The following CPSF3 variants were observed in gnomAD, a reference collection of about 807,000 sequenced individuals.
The protein encoded by CPSF3 is cleavage and polyadenylation specific factor 3.
A neutral mutation model predicts 84.1 loss-of-function variants in CPSF3; 57 were observed. The ratio of observed to expected loss-of-function variants is 0.68; its 90% confidence interval spans 0.55 to 0.85. The LOEUF is 0.85. Ranked by LOEUF, CPSF3 falls within the 40% of genes least tolerant of loss-of-function variation. The probability of loss-of-function intolerance (pLI) is 0.00; values close to 1 mark genes in which losing one functional copy is unlikely to be tolerated. For synonymous variants in CPSF3, 275 were observed against 278.1 expected, an observed-to-expected ratio of 0.99 and a Z score of 0.11; for missense variants, 522 against 838.8, an observed-to-expected ratio of 0.62 and a Z score of 4.66.
intron 13 of CPSF3, among the ~76,000 whole-genome samples, chr2:9,456,211 G>A (rs914012896): frequency 6.6e-6 from 1 of 152,156 alleles, no homozygotes; most frequent in East Asian, 1.9e-4. Flanking sequence ...AAAGGCCAGT[G>A]AGAAAATAAA....
intron 7 of CPSF3, among the ~76,000 whole-genome samples, chr2:9,436,642 G>A (rs113201671): frequency 0.15 from 23,306 of 151,862 alleles, 2,060 homozygotes; most frequent in Middle Eastern, 0.28. Context: ...CACAGTGACA[G>A]ATGCCTGTAA....
chr2:9,450,965 T>G (rs1366535709), intron 11 of CPSF3, among the ~76,000 whole-genome samples: 1 of 151,704 alleles, frequency 6.6e-6, no homozygotes, highest in Non-Finnish European at 1.5e-5. Flanking sequence ...CACAAAACTT[T>G]TCAGGGGCCG....
chr2:9,435,491 G>T (rs139607736), intron 6 of CPSF3, among the ~76,000 whole-genome samples: 2 of 150,442 alleles, frequency 1.3e-5, no homozygotes, highest in Admixed American at 6.6e-5. Flanking sequence ...GCATGATCTC[G>T]GCTCACTGCA....
At chr2:9,429,857 C>A in intron 2 of CPSF3, 66 bp from the exon 3 acceptor site, 2 of 1,061,378 alleles carry the variant, frequency 1.9e-6, no homozygotes, top group African/African-American at 1.6e-5. Context: ...GAATTATTGC[C>A]TATTTGCCGA....
At chr2:9,428,868 T>C (rs1211961985) in intron 2 of CPSF3, 40 bp downstream of exon 2, 2 of 1,199,624 alleles carry the variant, frequency 1.7e-6, no homozygotes, top group Non-Finnish European at 2.5e-6. Flanking sequence ...AGTATGGCTC[T>C]GTCTGTATTG....
intron 6 of CPSF3, among the ~76,000 whole-genome samples, chr2:9,435,705 C>A (rs1199727139): frequency 1.3e-5 from 2 of 151,692 alleles, no homozygotes; most frequent in African/African-American, 4.8e-5. Flanking sequence ...GCATGAGCCA[C>A]CATGCCCGGC....
chr2:9,447,932 G>A (rs935579320), intron 10 of CPSF3, among the ~76,000 whole-genome samples: 5 of 152,304 alleles, frequency 3.3e-5, no homozygotes, highest in Middle Eastern at 3.4e-3. Context: ...TGGAAAAGGC[G>A]TGTATCTCAT....
chr2:9,448,288 G>T lies in CPSF3; in HGVS notation c.1333G>T (p.Val445Phe). The change falls in exon 11 of 18, where the codon GTT (valine) becomes TTT (phenylalanine). Residue 445 changes from valine to phenylalanine, a missense_variant. Transcript: ENST00000238112. ...AGATAACGATGAAGTTCACATAGAG[G>T]TTCATAATCCTCGGAATACAGAAGC... is the stretch of plus-strand genomic sequence containing the variant. ...YEDNDEVHIE[V>F]HNPRNTEAVT... 1.2e-6 allele frequency: 2 copies of T among 1,613,106 alleles called. No individual in the cohort carries two copies. The highest frequency in any genetic ancestry group is 1.7e-6 in the Non-Finnish European group (2 of 1,179,282).
At chr2:9,470,615 C>T (rs1303549331) in intron 16 of CPSF3, among the ~76,000 whole-genome samples, 2 of 152,178 alleles carry the variant, frequency 1.3e-5, no homozygotes, top group African/African-American at 4.8e-5. Context: ...CAATAAATAC[C>T]AAGTTTAATT....
At chr2:9,444,140 T>TTATATA (rs377440396) in intron 10 of CPSF3, among the ~76,000 whole-genome samples, 9,521 of 129,434 alleles carry the variant, frequency 0.074, 461 homozygotes, top group Middle Eastern at 0.15. Context: ...AATATATATA[T>TTATATA]TATATATATA....
intron 12 of CPSF3, among the ~76,000 whole-genome samples, chr2:9,453,922 G>A (rs772169809): frequency 3.3e-5 from 5 of 151,882 alleles, no homozygotes; most frequent in Non-Finnish European, 7.4e-5. Context: ...AAACTAATAA[G>A]ATTACATTTA....
intron 16 of CPSF3, among the ~76,000 whole-genome samples, chr2:9,469,095 C>T (rs1474672292): frequency 6.6e-6 from 1 of 152,160 alleles, no homozygotes; most frequent in Non-Finnish European, 1.5e-5. Flanking sequence ...ACAGTGATTA[C>T]CATGGCCGTT....
At chr2:9,442,173 C>A (rs1270007919) in intron 9 of CPSF3, among the ~76,000 whole-genome samples, 197 bp downstream of exon 9, 3 of 152,116 alleles carry the variant, frequency 2.0e-5, no homozygotes, top group Non-Finnish European at 2.9e-5. Context: ...AATGAGGTCC[C>A]AGGTGATTGA....
At chr2:9,457,325 T>A (rs1007113322) in intron 14 of CPSF3, among the ~76,000 whole-genome samples, 3 of 152,162 alleles carry the variant, frequency 2.0e-5, no homozygotes, top group Middle Eastern at 6.3e-3. Flanking sequence ...AAGTCTTACC[T>A]GATTTTGTGG....
At chr2:9,455,518 T>C in intron 12 of CPSF3, 141 bp from the exon 13 acceptor site, 2 of 608,974 alleles carry the variant, frequency 3.3e-6, no homozygotes, top group Non-Finnish European at 5.8e-6. Context: ...AAATGTAAGG[T>C]GGTACCAAAT....
chr2:9,468,460 A>C (rs1682047852), intron 16 of CPSF3, among the ~76,000 whole-genome samples: 1 of 151,926 alleles, frequency 6.6e-6, no homozygotes, highest in African/African-American at 2.4e-5. Context: ...CCTGGGCTCA[A>C]GGGATCCTCC....
rs754222084 is a variant in CPSF3 at position 9,443,525 on chromosome 2, C to G, written c.1106C>G (p.Ser369Cys). The change falls in exon 10 of 18, where the codon TCT (serine) becomes TGT (cysteine). Residue 369 changes from serine (S) to cysteine (C), a missense_variant. Transcript: ENST00000238112. ...CTTTATTTTCCACAGCACATCATGT[C>G]TGAACCTGAAGAAATCACTACTATG... Reference protein sequence around the residue: ...VEGTLAKHIMSEPEEITTMSG... With the variant: ...VEGTLAKHIMCEPEEITTMSG... 2.5e-6 allele frequency: 4 copies of G among 1,613,310 alleles called. 1 individual carries two copies. In the South Asian group the frequency reaches 4.4e-5, roughly 18 times the overall value.
intron 15 of CPSF3, among the ~76,000 whole-genome samples, chr2:9,462,087 T>C (rs548485899): frequency 1.3e-5 from 2 of 152,026 alleles, no homozygotes; most frequent in East Asian, 3.9e-4. Context: ...AGATCATGAG[T>C]AAGTAGTGGT....
chr2:9,444,389 G>A (rs1681059436), intron 10 of CPSF3, among the ~76,000 whole-genome samples: 1 of 151,726 alleles, frequency 6.6e-6, no homozygotes, highest in Non-Finnish European at 1.5e-5. Context: ...GCCTCCCAAA[G>A]TGCTGGGATT....
Sources: allele counts gnomAD v4.1 joint callset (sites outside exome capture counted in the v4.1 genomes callset), GRCh38; gene constraint gnomAD v4.1.1; transcripts MANE v1.5; gene names NCBI Gene and HGNC (gene_info 2026-07-23, HGNC 2026-07-21).